The following SHROOM4 variants were observed in gnomAD, a reference collection of about 807,000 sequenced individuals.
SHROOM4 encodes the protein shroom family member 4.
A neutral mutation model predicts 80.3 loss-of-function variants in SHROOM4; 17 were observed. That is an observed-to-expected ratio of 0.21 (90% CI 0.14 to 0.32). The LOEUF (loss-of-function observed/expected upper bound fraction) is 0.32, where lower values mean the gene tolerates loss of function less well. Among genes scored for constraint, SHROOM4 ranks in the 10% least tolerant of loss-of-function variants. The pLI is 1.00. For missense variants in SHROOM4, 993 were observed against 1,140.3 expected (o/e 0.87, Z 1.86); for synonymous variants, 400 against 437.5 (o/e 0.91, Z 1.07).
intron 1 of SHROOM4, among the ~76,000 whole-genome samples, chrX:50,738,948 AACCAAAACAGCGTGGTACTGCT>A (rs1557266952): frequency 8.9e-6 from 1 of 111,915 alleles, no homozygotes; most frequent in Non-Finnish European, 1.9e-5. Flanking sequence ...AGGCTACAGT[AACCAAAACAGCGTGGTACTGCT>A]ACCAAAACAG....
rs191169408 is a variant in SHROOM4, at chrX:50,611,352, G to A, written c.2958-3168C>T. On this transcript the variant is annotated intron_variant, in intron 5 of 8. Coordinates refer to ENST00000376020, the MANE Select transcript of SHROOM4 (RefSeq NM_020717.5). The stretch of plus-strand genomic sequence containing the variant: ...TTTTTAGTAGAGACGGGGTTTCACC[G>A]TGTTAGCCAGGATGGTCTCGATCTC... Among the ~76,000 whole-genome samples the A allele has an allele frequency of 6.4e-3, 697 of 108,283 alleles. 6 individuals carry two copies. The highest frequency in any genetic ancestry group is 0.023 in the African/African-American group (673 of 29,901). The allele number at this position is 108,283 out of a possible 115,157, so 94.0% of individuals were successfully genotyped here.
At chrX:50,613,366 G>A (rs782013630) in intron 5 of SHROOM4, among the ~76,000 whole-genome samples, 1 of 111,709 alleles carries the variant, frequency 9.0e-6, no homozygotes, top group African/African-American at 3.3e-5. Flanking sequence ...CACCCACTTC[G>A]GCCTCGCAAA....
At chrX:50,794,021 G>A (rs781912320) in intron 1 of SHROOM4, among the ~76,000 whole-genome samples, 2 of 110,627 alleles carry the variant, frequency 1.8e-5, no homozygotes, top group Admixed American at 1.9e-4. Flanking sequence ...TGTGAAAGTT[G>A]TATGGGTTGG....
At chrX:50,762,173 G>C (rs1557268953) in intron 1 of SHROOM4, among the ~76,000 whole-genome samples, 1 of 109,604 alleles carries the variant, frequency 9.1e-6, no homozygotes, top group East Asian at 2.8e-4. Context: ...GCTGTTTGAA[G>C]GAACAAAAAA....
chrX:50,579,990 A>G, the SHROOM4 span, among the ~76,000 whole-genome samples: 8 of 111,491 alleles, frequency 7.2e-5, no homozygotes, highest in African/African-American at 2.0e-4. Flanking sequence ...GCAGAGATAA[A>G]GCCTCCTCCA....
chrX:50,764,699 G>A (rs1935234804), intron 1 of SHROOM4, among the ~76,000 whole-genome samples: 1 of 111,657 alleles, frequency 9.0e-6, no homozygotes. Context: ...TGCTTCAATG[G>A]GGAGAGAATA....
At position 50,697,813 on chromosome X, in the gene SHROOM4, A is replaced by G. The variant is rs188171242; in HGVS notation, c.118-1876T>C. ...ACCGCCAAGAAAAAAAGAGAGAGAG[A>G]AAAGGAAAGTGCTGTACTTGAATTT... On this transcript the variant is annotated intron_variant, in intron 1 of 8. Transcript: ENST00000376020. 2.7e-5 allele frequency among the ~76,000 whole-genome samples: 3 copies of G among 111,930 alleles called. No individual in the cohort carries two copies. In the East Asian group the frequency reaches 8.5e-4, roughly 32 times the overall value.
At chrX:50,755,542 C>A (rs182636463) in intron 1 of SHROOM4, among the ~76,000 whole-genome samples, 133 of 112,044 alleles carry the variant, frequency 1.2e-3, no homozygotes, top group Non-Finnish European at 1.7e-3. Context: ...ACATAAGACA[C>A]GACAAGTATC....
chrX:50,787,333 G>C (rs1165045491), intron 1 of SHROOM4, among the ~76,000 whole-genome samples: 2 of 111,050 alleles, frequency 1.8e-5, no homozygotes, highest in African/African-American at 6.5e-5. Context: ...GATCAGCAAA[G>C]TTGAAGACAA....
rs1557247900 is a variant in SHROOM4, at chrX:50,602,770, T to G, written c.3805A>C (p.Ile1269Leu). ...TAATAAGCTGAGTAAGAGGTAGGGATTCCTGGGGCCCCTGAAGGAGGCGAA... is the reference window on the plus strand; with the variant it reads ...TAATAAGCTGAGTAAGAGGTAGGGAGTCCTGGGGCCCCTGAAGGAGGCGAA... ...HFSPPSGAPG[I>L]PTSYSAYYNI... The change falls in exon 7 of 9, where the codon ATC (isoleucine) becomes CTC (leucine). Residue 1269 changes from isoleucine to leucine, a missense_variant. By Grantham distance (5) the Ile-to-Leu change is conservative. Coordinates refer to ENST00000376020, the MANE Select transcript of SHROOM4 (RefSeq NM_020717.5). 1.7e-6 allele frequency: 2 copies of G among 1,211,363 alleles called. No individual in the cohort carries two copies. The highest frequency in any genetic ancestry group is 2.3e-4 in the Middle Eastern group (1 of 4,353).
chrX:50,691,511 G>A (rs1411940404), intron 2 of SHROOM4, among the ~76,000 whole-genome samples: 1 of 5,230 alleles, frequency 1.9e-4, no homozygotes, highest in Non-Finnish European at 8.5e-3. Context: ...GCAACCAAGA[G>A]GTCTATGTAG....
intron 1 of SHROOM4, among the ~76,000 whole-genome samples, chrX:50,766,575 G>C: frequency 9.0e-6 from 1 of 110,828 alleles, no homozygotes; most frequent in Non-Finnish European, 1.9e-5. Flanking sequence ...TTCCAGATGG[G>C]CCCAAAAATT....
At chrX:50,774,785 C>T (rs181208206) in intron 1 of SHROOM4, among the ~76,000 whole-genome samples, 42 of 110,788 alleles carry the variant, frequency 3.8e-4, no homozygotes, top group African/African-American at 1.2e-3. Flanking sequence ...GCAGCCAAGA[C>T]ACAAAGGCAA....
At chrX:50,783,319 T>G (rs1222701262) in intron 1 of SHROOM4, among the ~76,000 whole-genome samples, 1 of 112,179 alleles carries the variant, frequency 8.9e-6, no homozygotes, top group Non-Finnish European at 1.9e-5. Context: ...TATAAACCAT[T>G]TCTAATAACA....
intron 1 of SHROOM4, among the ~76,000 whole-genome samples, chrX:50,714,571 GA>G (rs1198309790): frequency 3.6e-5 from 4 of 111,090 alleles, no homozygotes; most frequent in South Asian, 3.7e-4. Context: ...ATCAATAAAA[GA>G]AAAAAAGGAA....
At chrX:50,750,719 G>A (rs1312252988) in intron 1 of SHROOM4, among the ~76,000 whole-genome samples, 1 of 112,123 alleles carries the variant, frequency 8.9e-6, no homozygotes, top group Non-Finnish European at 1.9e-5. Flanking sequence ...GATCTGCATT[G>A]ACCTCAGCTG....
chrX:50,600,249 A>G (rs782178502), intron 7 of SHROOM4, among the ~76,000 whole-genome samples: 1 of 111,481 alleles, frequency 9.0e-6, no homozygotes, highest in South Asian at 3.9e-4. Context: ...CATACTCCAA[A>G]CTAATAGATA....
At position 50,625,360 on chromosome X, in the gene SHROOM4, C is replaced by A. The variant is rs146489822; in HGVS notation, c.2957+2254G>T. On this transcript the variant is annotated intron_variant, in intron 5 of 8. Coordinates refer to ENST00000376020, the MANE Select transcript of SHROOM4 (RefSeq NM_020717.5). ...CACTAAAAATTATGACTTGAGGAAG[C>A]CTGCATAGCAACATGAAAAGTTGTT... 9.4e-4 allele frequency among the ~76,000 whole-genome samples: 105 copies of A among 111,544 alleles called. No individual in the cohort carries two copies. In the East Asian group the frequency reaches 0.012, roughly 13 times the overall value.
In SHROOM4 at chrX:50,802,324, G is replaced by A. The variant is rs150196865; in HGVS notation, c.117+11578C>T. On this transcript the variant is annotated intron_variant, in intron 1 of 8. Transcript: ENST00000376020. ...AAAATAATGCTTTGTTGTTTTAACT[G>A]ATCAGTGGCTTTAAATAAACATGCT... 2.6e-3 allele frequency among the ~76,000 whole-genome samples: 291 copies of A among 111,820 alleles called. 2 individuals carry two copies. Among genetic ancestry groups the A allele is most frequent in the Middle Eastern group, 9.2e-3 (2 of 217 alleles).
Sources: allele counts gnomAD v4.1 joint callset (sites outside exome capture counted in the v4.1 genomes callset), GRCh38; gene constraint gnomAD v4.1.1; transcripts MANE v1.5; gene names NCBI Gene and HGNC (gene_info 2026-07-23, HGNC 2026-07-21).